ZNF280D: variants seen among roughly 807,000 people sequenced by gnomAD.
ZNF280D encodes the protein zinc finger protein 280D, also known as suppressor of hairy wing homolog 4.
A neutral mutation model predicts 94.7 loss-of-function variants in ZNF280D; 39 were observed. That is an observed-to-expected ratio of 0.41 (90% CI 0.32 to 0.54). The LOEUF (loss-of-function observed/expected upper bound fraction) is 0.54. Ranked by LOEUF, ZNF280D falls within the 20% of genes least tolerant of loss-of-function variation. The pLI is 0.22. For missense variants in ZNF280D, 1,090 were observed against 1,149.3 expected (o/e 0.95, Z 0.75); for synonymous variants, 398 against 377.6 (o/e 1.05, Z -0.63).
intron 19 of ZNF280D, among the ~76,000 whole-genome samples, chr15:56,643,609 A>G (rs1440426660): frequency 6.6e-6 from 1 of 151,840 alleles, no homozygotes; most frequent in Non-Finnish European, 1.5e-5. Context: ...TAAAACATTA[A>G]CAAAGGTATA....
At chr15:56,658,840 G>A (rs2053720188) in intron 16 of ZNF280D, among the ~76,000 whole-genome samples, 2 of 152,236 alleles carry the variant, frequency 1.3e-5, no homozygotes, top group South Asian at 4.1e-4. Context: ...AATAACACGT[G>A]TGCTACAATA....
intron 1 of ZNF280D, among the ~76,000 whole-genome samples, chr15:56,720,159 G>A (rs2058277209): frequency 6.6e-6 from 1 of 152,138 alleles, no homozygotes; most frequent in East Asian, 1.9e-4. Context: ...TTCCAAGTTG[G>A]AGTCAATCCT....
intron 1 of ZNF280D, among the ~76,000 whole-genome samples, chr15:56,728,807 ACTC>A (rs2141499775): frequency 6.6e-6 from 1 of 152,318 alleles, no homozygotes; most frequent in East Asian, 1.9e-4. Context: ...TCAGTACAGT[ACTC>A]AATAAATTAC....
At chr15:56,703,907 A>G (rs552593429) in intron 4 of ZNF280D, among the ~76,000 whole-genome samples, 2 of 152,182 alleles carry the variant, frequency 1.3e-5, no homozygotes, top group East Asian at 3.9e-4. Flanking sequence ...TATGATTTCT[A>G]ATCTCAGAAG....
intron 1 of ZNF280D, among the ~76,000 whole-genome samples, chr15:56,731,151 C>G (rs1453949038): frequency 6.6e-6 from 1 of 152,086 alleles, no homozygotes; most frequent in African/African-American, 2.4e-5. Context: ...TCAGGAGGAA[C>G]TATCACTAAA....
At position 56,717,479 on chromosome 15, in the gene ZNF280D, GT is replaced by G. The variant is rs1369495187; in HGVS notation, c.-85-10174del. Among the ~76,000 whole-genome samples the G allele has an allele frequency of 5.1e-4, 77 of 152,132 alleles. No individual in the cohort carries two copies. The Middle Eastern group carries it at 0.021, about 41-fold the overall frequency. ...ATAACAACAACAGTAATATTTACTT[GT>G]TTTGAGCAAACTAGAGAATTGCTAG... is the stretch of plus-strand genomic sequence containing the variant. On this transcript the variant is annotated intron_variant, in intron 1 of 21. Coordinates refer to ENST00000267807, the MANE Select transcript of ZNF280D (RefSeq NM_017661.4).
chr15:56,714,073 T>G (rs2057911754), intron 1 of ZNF280D, among the ~76,000 whole-genome samples: 1 of 152,206 alleles, frequency 6.6e-6, no homozygotes, highest in South Asian at 2.1e-4. Flanking sequence ...TTTAAGCAGA[T>G]GAAATTTCAA....
chr15:56,712,756 T>TTC (rs2057835171), intron 1 of ZNF280D, among the ~76,000 whole-genome samples: 2 of 149,910 alleles, frequency 1.3e-5, no homozygotes, highest in African/African-American at 4.9e-5. Context: ...TTTTTTTTTT[T>TTC]CTGAGGTGGA....
At chr15:56,730,012 T>C (rs1376116999) in intron 1 of ZNF280D, 1 of 152,196 alleles carries the variant, frequency 6.6e-6, no homozygotes, top group Non-Finnish European at 1.5e-5. Flanking sequence ...CTCCAATAAG[T>C]TGTTTTACAT....
chr15:56,651,053 T>C (rs2053175465), intron 19 of ZNF280D, among the ~76,000 whole-genome samples: 2 of 152,186 alleles, frequency 1.3e-5, no homozygotes, highest in African/African-American at 2.4e-5. Context: ...TTCACAAATA[T>C]AATGTAAGTT....
chr15:56,668,997 C>T, intron 13 of ZNF280D, 40 bp from the exon 14 acceptor site: 1 of 1,568,020 alleles, frequency 6.4e-7, no homozygotes, highest in Non-Finnish European at 8.7e-7. Context: ...AAAATAATTT[C>T]AAAAACTACA....
intron 20 of ZNF280D, among the ~76,000 whole-genome samples, chr15:56,642,504 C>G (rs1427210889): frequency 6.6e-6 from 1 of 151,778 alleles, no homozygotes; most frequent in African/African-American, 2.4e-5. Flanking sequence ...ATTCTGAGTT[C>G]TGCATTCAGA....
intron 1 of ZNF280D, among the ~76,000 whole-genome samples, chr15:56,710,611 T>C (rs1361752507): frequency 2.6e-5 from 4 of 152,164 alleles, no homozygotes; most frequent in Non-Finnish European, 4.4e-5. Context: ...ATTTTATAAA[T>C]TTTTGGTTTC....
chr15:56,650,939 C>T (rs2053170356), intron 19 of ZNF280D, among the ~76,000 whole-genome samples: 1 of 152,110 alleles, frequency 6.6e-6, no homozygotes, highest in Admixed American at 6.6e-5. Flanking sequence ...GGCAGCCTTC[C>T]AACACCTACC....
chr15:56,668,679 C>T, intron 14 of ZNF280D, 144 bp downstream of exon 14: 1 of 729,318 alleles, frequency 1.4e-6, no homozygotes, highest in Non-Finnish European at 2.1e-6. Flanking sequence ...GAAGTTTTTC[C>T]TTCTACACAT....
At chr15:56,635,125 G>T in intron 21 of ZNF280D, 70 bp downstream of exon 21, 1 of 944,596 alleles carries the variant, frequency 1.1e-6, no homozygotes, top group Non-Finnish European at 1.6e-6. Flanking sequence ...AGTTAACTGT[G>T]AAATAATGCA....
intron 3 of ZNF280D, among the ~76,000 whole-genome samples, chr15:56,706,427 G>C (rs748962031): frequency 2.0e-5 from 3 of 151,766 alleles, no homozygotes; most frequent in Non-Finnish European, 4.4e-5. Context: ...GCAATGAGCC[G>C]AGGTCATGCC....
At chr15:56,645,367 C>T (rs1465886544) in intron 19 of ZNF280D, 1 of 152,186 alleles carries the variant, frequency 6.6e-6, no homozygotes, top group African/African-American at 2.4e-5. Context: ...ACAGGACTGA[C>T]TGGTGATCAA....
At chr15:56,702,806 G>C (rs1487485850) in intron 4 of ZNF280D, among the ~76,000 whole-genome samples, 2 of 151,758 alleles carry the variant, frequency 1.3e-5, no homozygotes, top group African/African-American at 4.8e-5. Flanking sequence ...TGATAAAACT[G>C]AATAAAGGTG....
Sources: gnomAD v4.1 joint callset for allele counts (sites outside exome capture counted in the v4.1 genomes callset) on GRCh38, gnomAD v4.1.1 for gene constraint, MANE v1.5 for transcripts, NCBI Gene and HGNC (gene_info 2026-07-23, HGNC 2026-07-21) for gene names.